Variants in RDH13 observed in about 807,000 individuals in gnomAD.
RDH13 encodes retinol dehydrogenase 13, also known as retinol dehydrogenase 13 (all-trans and 9-cis).
Under a neutral mutation model 28.3 loss-of-function variants are expected in RDH13, and 35 were observed. That is an observed-to-expected ratio of 1.24 (90% CI 0.95 to 1.64). The LOEUF is 1.64. Ranked by LOEUF, RDH13 falls within the 40% of genes most tolerant of loss-of-function variation. RDH13 has a pLI of 0.00. For missense variants in RDH13, 514 were observed against 446.3 expected, an observed-to-expected ratio of 1.15 and a Z score of -1.37; for synonymous variants, 229 against 198.5, an observed-to-expected ratio of 1.15 and a Z score of -1.29.
At chr19:55,068,028 C>G (rs113961547), upstream of RDH13, among the ~76,000 whole-genome samples, 491 of 149,890 alleles carry the variant, frequency 3.3e-3, 5 homozygotes, top group African/African-American at 0.012. Flanking sequence ...TTCTCTCCCC[C>G]TCCTGTGTCT....
chr19:55,049,800 A>G (rs1602726615), intron 3 of RDH13, among the ~76,000 whole-genome samples: 1 of 150,872 alleles, frequency 6.6e-6, no homozygotes, highest in East Asian at 2.0e-4. Context: ...AAAAAAAAAA[A>G]AAAAAATCAC....
Position 55,045,172 on chromosome 19 carries a change from C to T in RDH13, c.898G>A (p.Ala300Thr), listed in dbSNP as rs887141909. 1.1e-5 allele frequency: 18 copies of T among 1,613,756 alleles called. No individual in the cohort carries two copies. Among genetic ancestry groups the T allele is most frequent in the Non-Finnish European group, 1.5e-5 (18 of 1,180,046 alleles). The change falls in exon 7 of 7, where the codon GCT becomes ACT. Residue 300 changes from alanine (A) to threonine (T), a missense_variant. Coordinates refer to ENST00000415061, the MANE Select transcript of RDH13 (RefSeq NM_001145971.2). ...GLKQKAPAPE[A>T]EDEEVARRLW... ...CTCCGGGCCACCTCCTCATCCTCAG[C>T]CTCGGGGGCCGGGGCCTTCTGTTTG...
rs201978901 is a variant in RDH13, at chr19:55,056,671, C to T, written c.322G>A (p.Ala108Thr). 2.3e-4 allele frequency: 364 copies of T among 1,614,004 alleles called. 6 individuals are homozygous for T. The South Asian group carries it at 3.7e-3, about 17-fold the overall frequency. The stretch of plus-strand genomic sequence containing the variant: ...CTCCTACCTTCAATGATCTTTGCTG[C>T]AAACTCTCGGATAGACTTGAGGGAA... ...LASLKSIREF[A>T]AKIIEEEERV... The change falls in exon 3 of 7, where the codon GCA (alanine) becomes ACA (threonine). Residue 108 changes from alanine (A) to threonine (T), a missense_variant. By Grantham distance (58) the Ala-to-Thr change is moderately conservative. Coordinates refer to ENST00000415061, the MANE Select transcript of RDH13 (RefSeq NM_001145971.2).
intron 3 of RDH13, among the ~76,000 whole-genome samples, chr19:55,053,437 T>C (rs542455299): frequency 1.3e-5 from 2 of 151,626 alleles, no homozygotes; most frequent in South Asian, 2.1e-4. Context: ...GGCTGGATCA[T>C]GAGGTCAGGA....
chr19:55,066,244 GGTT>G (rs2075956189), upstream of RDH13, among the ~76,000 whole-genome samples: 1 of 152,142 alleles, frequency 6.6e-6, no homozygotes, highest in Non-Finnish European at 1.5e-5. Flanking sequence ...CCATTTTCCT[GGTT>G]GTTAACATGT....
rs1568681274 is a variant in RDH13 at position 55,045,169 on chromosome 19, C to G, written c.901G>C (p.Glu301Gln). 1 of 1,613,760 alleles carries G rather than the reference C, an allele frequency of 6.2e-7. No individual in the cohort carries two copies. The highest frequency in any genetic ancestry group is 8.5e-7 in the Non-Finnish European group (1 of 1,180,034). Residue 301 changes from glutamate (E) to glutamine (Q), a missense_variant, in exon 7 of 7, where the codon GAG (glutamate) becomes CAG (glutamine). By Grantham distance (29) the Glu-to-Gln change is conservative (BLOSUM62 2). Coordinates refer to ENST00000415061, the MANE Select transcript of RDH13 (RefSeq NM_001145971.2). Reference sequence around the variant, plus strand: ...AGCCTCCGGGCCACCTCCTCATCCTCAGCCTCGGGGGCCGGGGCCTTCTGT... The same window carrying G: ...AGCCTCCGGGCCACCTCCTCATCCTGAGCCTCGGGGGCCGGGGCCTTCTGT... ...LKQKAPAPEA[E>Q]DEEVARRLWA...
rs73615844 is a variant in RDH13 at position 55,044,768 on chromosome 19, C to T, written c.*306G>A. ...CGACAGGCACCGCTGGCTCTCCTGA[C>T]GTGGCCTGCAAGTGCACGGAGCCCC... On this transcript the variant is annotated 3_prime_UTR_variant, in exon 7 of 7. Transcript: ENST00000415061. 1.3e-3 allele frequency: 520 copies of T among 411,522 alleles called. 5 individuals carry two copies. Among genetic ancestry groups the T allele is most frequent in the African/African-American group, 9.7e-3 (479 of 49,140 alleles). 25.5% of individuals were successfully genotyped at this position (411,522 alleles called of 1,614,324 possible).
intron 5 of RDH13, 52 bp from the exon 6 acceptor site, chr19:55,047,540 A>AG: frequency 6.5e-7 from 1 of 1,548,860 alleles, no homozygotes; most frequent in Non-Finnish European, 8.7e-7. Context: ...CTCACCTGGG[A>AG]GGCTGTGGCA....
chr19:55,064,826 T>C (rs1450606218), upstream of RDH13, among the ~76,000 whole-genome samples: 5 of 150,128 alleles, frequency 3.3e-5, no homozygotes, highest in African/African-American at 1.2e-4. Flanking sequence ...TTGGCCAGGT[T>C]GGTCTCAAAC....
upstream of RDH13, among the ~76,000 whole-genome samples, chr19:55,066,815 T>C (rs75880672): frequency 0.011 from 1,639 of 152,030 alleles, 22 homozygotes; most frequent in African/African-American, 0.037. Flanking sequence ...AAGGTAAGTT[T>C]AGCGACCCTG....
chr19:55,047,427 G>T lies in RDH13; in HGVS notation c.720C>A (p.His240Gln), dbSNP rs1474681246. The change falls in exon 6 of 7, where the codon CAC becomes CAA. Residue 240 changes from histidine (H) to glutamine (Q), a missense_variant. Coordinates refer to ENST00000415061, the MANE Select transcript of RDH13 (RefSeq NM_001145971.2). ...PGVARTELGR[H>Q]TGIHGSTFSS... ...AGAAGGTGGAGCCATGGATGCCCGT[G>T]TGTCTGCCCAGCTCTGTCCTGGCCA... The T allele has an allele frequency of 2.5e-6, 4 of 1,611,712 alleles. No individual in the cohort carries two copies. The highest frequency in any genetic ancestry group is 2.5e-6 in the Non-Finnish European group (3 of 1,179,960).
chr19:55,062,035 T>C (rs1292946207), intron 1 of RDH13, among the ~76,000 whole-genome samples: 2 of 151,962 alleles, frequency 1.3e-5, no homozygotes, highest in Non-Finnish European at 2.9e-5. Context: ...GACAATCGCT[T>C]GAACCCGGGA....
upstream of RDH13, among the ~76,000 whole-genome samples, chr19:55,064,656 C>G (rs1455183768): frequency 6.6e-6 from 1 of 151,086 alleles, no homozygotes; most frequent in African/African-American, 2.4e-5. Context: ...CTGTGTCACC[C>G]AGGCTGGAGA....
chr19:55,047,214 G>C, intron 6 of RDH13, 173 bp downstream of exon 6: 1 of 1,409,430 alleles, frequency 7.1e-7, no homozygotes, highest in Non-Finnish European at 9.2e-7. Context: ...GTTAGAGGCT[G>C]GCAGGCCAGG....
At chr19:55,049,737 C>T (rs1237018283) in intron 3 of RDH13, among the ~76,000 whole-genome samples, 2 of 149,350 alleles carry the variant, frequency 1.3e-5, no homozygotes, top group South Asian at 4.2e-4. Context: ...TGCAGTGAGC[C>T]GAGATCGCAT....
At chr19:55,066,891 G>T (rs2075973544), upstream of RDH13, among the ~76,000 whole-genome samples, 1 of 152,090 alleles carries the variant, frequency 6.6e-6, no homozygotes, top group Non-Finnish European at 1.5e-5. Context: ...AGCCATTTGA[G>T]TCTTTGCAGC....
chr19:55,054,370 C>A (rs746523704), intron 3 of RDH13, among the ~76,000 whole-genome samples: 1 of 151,872 alleles, frequency 6.6e-6, no homozygotes, highest in African/African-American at 2.4e-5. Flanking sequence ...CTGAGGCAGG[C>A]GGATCACAAG....
At chr19:55,063,204 A>AG (rs1039279792), upstream of RDH13, 2 of 481,366 alleles carry the variant, frequency 4.2e-6, no homozygotes, top group Non-Finnish European at 6.9e-6. Flanking sequence ...GCGCGGGCGG[A>AG]GGGGGCGGGG....
Position 55,044,910 on chromosome 19 carries a change from G to C in RDH13, c.*164C>G. On this transcript the variant is annotated 3_prime_UTR_variant, in exon 7 of 7. Coordinates refer to ENST00000415061, the MANE Select transcript of RDH13 (RefSeq NM_001145971.2). ...GAGCCCAGGGCAGTGCTCACCTGCA[G>C]GCCAGTCCACTGCGGCCAGCACCGC... 1.7e-6 allele frequency: 1 copy of C among 599,460 alleles called. No homozygotes were observed. 37.1% of individuals were successfully genotyped at this position (599,460 alleles called of 1,614,324 possible). A position where few individuals can be genotyped will look rare whatever the true frequency, so the allele number is the denominator to read the frequency against.
Sources: allele counts gnomAD v4.1 joint callset (sites outside exome capture counted in the v4.1 genomes callset), GRCh38; gene constraint gnomAD v4.1.1; transcripts MANE v1.5; gene names NCBI Gene and HGNC (gene_info 2026-07-23, HGNC 2026-07-21).